The following GARNL3 variants were observed in gnomAD, a reference collection of about 807,000 sequenced individuals.
GARNL3 encodes the protein GTPase activating Rap/RanGAP domain like 3, also known as GTPase-activating Rap/Ran-GAP domain-like protein 3.
In GARNL3, 63 loss-of-function variants were observed where a neutral mutation model predicts 125.0. The observed-to-expected ratio is 0.50, with a 90% CI of 0.41 to 0.62. The LOEUF is 0.62. Ranked by LOEUF, GARNL3 falls within the 20% of genes least tolerant of loss-of-function variation. GARNL3 has a pLI of 0.00. For synonymous variants in GARNL3, 439 were observed against 457.5 expected (o/e 0.96, Z 0.52); for missense variants, 994 against 1,244.0 (o/e 0.80, Z 3.02).
chr9:127,306,216 A>C (rs1170393960), intron 2 of GARNL3, among the ~76,000 whole-genome samples: 1 of 152,246 alleles, frequency 6.6e-6, no homozygotes, highest in Non-Finnish European at 1.5e-5. Flanking sequence ...GAAGGAAAAC[A>C]GTTGTATTGA....
rs184895373 is a variant in GARNL3 at position 127,258,296 on chromosome 9, G to A, written c.144-6656G>A. On this transcript the variant is annotated intron_variant, in intron 2 of 10. Coordinates refer to the GARNL3 transcript ENST00000439286. Reference sequence around the variant, plus strand: ...AATCTTTCTGCTTATTTCCTACTTCGTATGTCTCAAAGGTCTTCAAGAGGA... The same window carrying A: ...AATCTTTCTGCTTATTTCCTACTTCATATGTCTCAAAGGTCTTCAAGAGGA... Among the ~76,000 whole-genome samples, 112 of 152,186 alleles carry A rather than the reference G, an allele frequency of 7.4e-4. 1 individual carries two copies. The highest frequency in any genetic ancestry group is 6.1e-3 in the Admixed American group (94 of 15,286).
intron 2 of GARNL3, among the ~76,000 whole-genome samples, chr9:127,307,454 G>A (rs944834974): frequency 2.0e-5 from 3 of 152,162 alleles, no homozygotes; most frequent in African/African-American, 7.2e-5. Flanking sequence ...TGACAGCTTA[G>A]GAGTTTACTC....
intron 1 of GARNL3, among the ~76,000 whole-genome samples, chr9:127,278,653 T>C (rs550719846): frequency 6.6e-6 from 1 of 152,328 alleles, no homozygotes; most frequent in East Asian, 1.9e-4. Context: ...TTCCTAGGCC[T>C]GCTGTAAGAG....
chr9:127,240,073 A>T (rs1191690900), intron 1 of GARNL3, among the ~76,000 whole-genome samples: 1 of 152,178 alleles, frequency 6.6e-6, no homozygotes, highest in Admixed American at 6.5e-5. Flanking sequence ...ATGTAGAAAG[A>T]TGTGTAAGAC....
At position 127,357,273 on chromosome 9, in the gene GARNL3, G is replaced by A; in HGVS notation, c.1990G>A (p.Glu664Lys). 1.2e-6 allele frequency: 2 copies of A among 1,614,218 alleles called. No individual in the cohort carries two copies. Among genetic ancestry groups the A allele is most frequent in the Non-Finnish European group, 8.5e-7 (1 of 1,180,026 alleles). The change falls in exon 21 of 28, where the codon GAA (glutamate) becomes AAA (lysine). Residue 664 changes from glutamate to lysine, a missense_variant. Around this residue, in one of 5 missense-constraint regions of GARNL3, gnomAD observed 728 missense variants for 865.7 expected, o/e 0.84. Coordinates refer to ENST00000373387, the MANE Select transcript of GARNL3 (RefSeq NM_032293.5). ...MVMTLVDGPA[E>K]ESDNLICVAY... ...GATGACCTTAGTGGATGGGCCAGCT[G>A]AAGAGAGTGACAATCTCATCTGTGT...
rs755225091 is a variant in GARNL3, at chr9:127,393,205, C to G, written c.2993C>G (p.Pro998Arg). 3.1e-6 allele frequency: 5 copies of G among 1,613,508 alleles called. No homozygotes were observed. Among genetic ancestry groups the G allele is most frequent in the Middle Eastern group, 1.6e-4 (1 of 6,084 alleles). The change falls in exon 28 of 28, where the codon CCC becomes CGC. Residue 998 changes from proline (P) to arginine (R), a missense_variant. Coordinates refer to ENST00000373387, the MANE Select transcript of GARNL3 (RefSeq NM_032293.5). ...REGSPVSGSS[P>R]FQLTAFSDED... Reference sequence around the variant, plus strand: ...GGCAGCCCGGTCTCCGGCAGCAGCCCCTTCCAGCTCACGGCTTTCTCCGAT... The same window carrying G: ...GGCAGCCCGGTCTCCGGCAGCAGCCGCTTCCAGCTCACGGCTTTCTCCGAT...
intron 4 of GARNL3, among the ~76,000 whole-genome samples, chr9:127,315,569 A>G (rs538866554): frequency 4.6e-5 from 7 of 152,158 alleles, no homozygotes; most frequent in African/African-American, 1.7e-4. Context: ...TGAGTCCAGG[A>G]GTTCAAGGCT....
chr9:127,321,415 G>T (rs776739386), intron 6 of GARNL3, among the ~76,000 whole-genome samples: 5 of 152,212 alleles, frequency 3.3e-5, no homozygotes, highest in Non-Finnish European at 5.9e-5. Flanking sequence ...ACCACGCCCA[G>T]CCTGGAATGT....
intron 6 of GARNL3, 129 bp from the exon 7 acceptor site, chr9:127,324,940 C>T: frequency 1.1e-6 from 1 of 950,608 alleles, no homozygotes; most frequent in African/African-American, 1.7e-5. Flanking sequence ...AACAAAGCTC[C>T]TATAACCAAC....
intron 27 of GARNL3, 84 bp downstream of exon 27, chr9:127,390,851 A>G (rs1832783815): frequency 1.4e-6 from 2 of 1,399,520 alleles, no homozygotes; most frequent in South Asian, 2.7e-5. Flanking sequence ...GGGGATTGAT[A>G]ATGCCACTAG....
chr9:127,275,032 G>C (rs915297844), intron 1 of GARNL3, among the ~76,000 whole-genome samples: 1 of 152,152 alleles, frequency 6.6e-6, no homozygotes, highest in Non-Finnish European at 1.5e-5. Flanking sequence ...GCAAGACCAG[G>C]CTCAGCAGTG....
intron 2 of GARNL3, among the ~76,000 whole-genome samples, chr9:127,246,146 G>A (rs1413116033): frequency 6.6e-6 from 1 of 152,138 alleles, no homozygotes; most frequent in East Asian, 1.9e-4. Context: ...GGGAGTGGGA[G>A]CCATTGGTCT....
rs550764278 is a variant in GARNL3 at position 127,303,870 on chromosome 9, AG to A, written c.220-7761del. Among the ~76,000 whole-genome samples the A allele has an allele frequency of 7.2e-5, 11 of 152,246 alleles. No homozygotes were observed. In the East Asian group the frequency reaches 2.1e-3, roughly 29 times the overall value. On this transcript the variant is annotated intron_variant, in intron 2 of 27. Transcript: ENST00000373387. Reference sequence around the variant, plus strand: ...TCCGTCACATCCCACAAGTATAAGTAGGGGGTGGGGGAAGATAATGAAGACA... The same window carrying A: ...TCCGTCACATCCCACAAGTATAAGTAGGGGTGGGGGAAGATAATGAAGACA...
At chr9:127,342,532 A>G (rs942801853) in intron 14 of GARNL3, among the ~76,000 whole-genome samples, 198 bp downstream of exon 14, 66 of 152,166 alleles carry the variant, frequency 4.3e-4, no homozygotes, top group African/African-American at 1.6e-3. Context: ...GTTTCCATAC[A>G]CAGGAATGCG....
At chr9:127,323,106 A>C (rs541101652) in intron 6 of GARNL3, among the ~76,000 whole-genome samples, 1 of 152,246 alleles carries the variant, frequency 6.6e-6, no homozygotes, top group Non-Finnish European at 1.5e-5. Context: ...AATCAGTGTC[A>C]GCCTCAAACT....
At chr9:127,319,592 C>A (rs959940458) in intron 5 of GARNL3, among the ~76,000 whole-genome samples, 1 of 152,076 alleles carries the variant, frequency 6.6e-6, no homozygotes, top group Non-Finnish European at 1.5e-5. Flanking sequence ...TGCTCTGTAT[C>A]TTCTGATTTT....
chr9:127,359,253 G>A (rs1052092414), intron 21 of GARNL3, among the ~76,000 whole-genome samples: 4 of 152,214 alleles, frequency 2.6e-5, no homozygotes, highest in Non-Finnish European at 4.4e-5. Context: ...ACTTTGGGCG[G>A]CCAAGGCCGG....
At position 127,250,557 on chromosome 9, in the gene GARNL3, G is replaced by T. The variant is rs547779615; in HGVS notation, c.143+7308G>T. Among the ~76,000 whole-genome samples the T allele has an allele frequency of 2.6e-5, 4 of 152,332 alleles. No homozygotes were observed. In the East Asian group the frequency reaches 7.7e-4, roughly 29 times the overall value. On this transcript the variant is annotated intron_variant, in intron 2 of 10. Transcript: ENST00000439286. Reference sequence around the variant, plus strand: ...ACATGATATTTTGGGGGCTGCTGGGGTATCCATGGAACCATGTTCAGTATT... The same window carrying T: ...ACATGATATTTTGGGGGCTGCTGGGTTATCCATGGAACCATGTTCAGTATT...
At chr9:127,325,244 G>T in intron 7 of GARNL3, 149 bp downstream of exon 7, 2 of 695,248 alleles carry the variant, frequency 2.9e-6, no homozygotes, top group Non-Finnish European at 4.9e-6. Context: ...AGAACTTACT[G>T]GCATGTATTT....
Sources: gnomAD v4.1 joint callset for allele counts (sites outside exome capture counted in the v4.1 genomes callset) on GRCh38, gnomAD v4.1.1 for gene constraint, gnomAD v4.1.1 regional missense constraint, MANE v1.5 for transcripts, NCBI Gene and HGNC (gene_info 2026-07-23, HGNC 2026-07-21) for gene names.